PCNX2: variants seen among roughly 807,000 people sequenced by gnomAD.
The protein encoded by PCNX2 is pecanex 2.
A neutral mutation model predicts 223.8 loss-of-function variants in PCNX2; 168 were observed. The observed-to-expected ratio is 0.75, with a 90% CI of 0.66 to 0.85. The LOEUF is 0.85. PCNX2 is among the 40% of genes least tolerant of loss of function. The pLI, the probability that PCNX2 is intolerant of heterozygous loss-of-function variation, is 0.00. For synonymous variants in PCNX2, 1,006 were observed against 1,052.6 expected, an observed-to-expected ratio of 0.96 and a Z score of 0.86; for missense variants, 2,507 against 2,675.5, an observed-to-expected ratio of 0.94 and a Z score of 1.39.
chr1:233,011,927 G>A (rs926266437), intron 28 of PCNX2, among the ~76,000 whole-genome samples: 10 of 152,142 alleles, frequency 6.6e-5, no homozygotes, highest in African/African-American at 1.7e-4. Context: ...AGGGAATTGT[G>A]GGACCCCTCA....
the PCNX2 span, among the ~76,000 whole-genome samples, chr1:233,313,681 A>C: frequency 8.4e-5 from 10 of 118,646 alleles, no homozygotes; most frequent in African/African-American, 2.7e-4. Flanking sequence ...AAGACATATA[A>C]GTTAGTATAC....
Position 233,217,931 on chromosome 1 carries a change from T to C in PCNX2, c.2659A>G (p.Ser887Gly), listed in dbSNP as rs1196353987. The change falls in exon 12 of 34, where the codon AGT (serine) becomes GGT (glycine). Residue 887 changes from serine to glycine, a missense_variant and splice_region_variant. Ser to Gly is a moderately conservative substitution (Grantham distance 56). Transcript: ENST00000258229. ...MASCQYSLLK[S>G]VQPDPASPIH... ...GGTGAGGCGGGGTCAGGCTGAACAC[T>C]CTAAAACACAAATCAGAAGTGTCTG... is the stretch of plus-strand genomic sequence containing the variant. 3.1e-6 allele frequency: 5 copies of C among 1,613,854 alleles called. No individual in the cohort carries two copies. The South Asian group carries it at 5.5e-5, about 18-fold the overall frequency.
the PCNX2 span, among the ~76,000 whole-genome samples, chr1:233,318,973 A>G: frequency 6.6e-6 from 1 of 152,012 alleles, no homozygotes; most frequent in Non-Finnish European, 1.5e-5. Flanking sequence ...CCACCCCAAG[A>G]CTTCAGCACT....
At chr1:233,261,949 G>A in intron 3 of PCNX2, 96 bp downstream of exon 3, 2 of 1,538,336 alleles carry the variant, frequency 1.3e-6, no homozygotes, top group Non-Finnish European at 1.8e-6. Flanking sequence ...ATTACAGCAT[G>A]CAAGCTACAA....
the PCNX2 span, among the ~76,000 whole-genome samples, chr1:233,316,192 TAA>T: frequency 6.6e-6 from 1 of 152,178 alleles, no homozygotes; most frequent in Admixed American, 6.5e-5. Context: ...GTCCACTGAT[TAA>T]AGTTACAAAA....
At chr1:233,250,005 C>T (rs1659357892) in intron 8 of PCNX2, among the ~76,000 whole-genome samples, 1 of 152,164 alleles carries the variant, frequency 6.6e-6, no homozygotes, top group Non-Finnish European at 1.5e-5. Flanking sequence ...ATGTGAAGCA[C>T]AAGACATTCC....
At position 233,177,813 on chromosome 1, in the gene PCNX2, T is replaced by C; in HGVS notation, c.3262A>G (p.Lys1088Glu). ...CGCAAATGTCTCACCACTGAATCTT[T>C]CATCTTCTTGGGGAGAGGGTCAGCA... The part of the protein sequence containing the change: ...SAADPLPKKM[K>E]DSVTDVLKWD... Residue 1088 changes from lysine (K) to glutamate (E), a missense_variant, in exon 17 of 34, where the codon AAA (lysine) becomes GAA (glutamate). Coordinates refer to ENST00000258229, the MANE Select transcript of PCNX2 (RefSeq NM_014801.4). 1 of 1,613,210 alleles carries C rather than the reference T, an allele frequency of 6.2e-7. No individual in the cohort carries two copies. The highest frequency in any genetic ancestry group is 8.5e-7 in the Non-Finnish European group (1 of 1,179,174).
chr1:233,005,294 A>G (rs574402231), intron 28 of PCNX2, among the ~76,000 whole-genome samples: 9 of 152,220 alleles, frequency 5.9e-5, no homozygotes, highest in African/African-American at 1.9e-4. Flanking sequence ...ACACCCAGAC[A>G]CCCAGAGCAA....
chr1:233,091,865 A>C (rs943054352), intron 22 of PCNX2, among the ~76,000 whole-genome samples: 2 of 151,638 alleles, frequency 1.3e-5, no homozygotes, highest in Non-Finnish European at 2.9e-5. Flanking sequence ...CCAATGTTGA[A>C]TTGTTTAGGT....
At chr1:233,121,048 T>G in intron 21 of PCNX2, among the ~76,000 whole-genome samples, 1 of 150,354 alleles carries the variant, frequency 6.7e-6, no homozygotes, top group East Asian at 1.9e-4. Flanking sequence ...AATTGGAGTT[T>G]AAAATTAAAA....
chr1:233,086,500 A>G (rs561689015), intron 23 of PCNX2, among the ~76,000 whole-genome samples: 217 of 151,022 alleles, frequency 1.4e-3, no homozygotes, highest in South Asian at 7.3e-3. Flanking sequence ...TACTAAAAAT[A>G]CAAAAAAAAA....
intron 25 of PCNX2, among the ~76,000 whole-genome samples, chr1:233,032,498 A>G (rs1671304466): frequency 6.6e-6 from 1 of 152,194 alleles, no homozygotes; most frequent in African/African-American, 2.4e-5. Context: ...AGACCTCAAA[A>G]ATGTGAGTTT....
intron 19 of PCNX2, among the ~76,000 whole-genome samples, chr1:233,149,031 T>C (rs7542645): frequency 0.1 from 15,464 of 152,244 alleles, 2,397 homozygotes; most frequent in African/African-American, 0.33. Flanking sequence ...CCCCAGATTG[T>C]GTTAGGGTTC....
intron 19 of PCNX2, among the ~76,000 whole-genome samples, chr1:233,156,413 T>G (rs1490663387): frequency 3.3e-5 from 5 of 152,184 alleles, no homozygotes; most frequent in Admixed American, 3.3e-4. Context: ...GATGGTTACA[T>G]TAAACGCAGT....
In PCNX2 at chr1:233,143,915, T is replaced by C. The variant is rs1677272714; in HGVS notation, c.3518-4060A>G. Among the ~76,000 whole-genome samples, 3 of 152,186 alleles carry C rather than the reference T, an allele frequency of 2.0e-5. No homozygotes were observed. The South Asian group carries it at 6.2e-4, about 32-fold the overall frequency. ...ATTCTCCTGCATTACTTGGATTTTT[T>C]TCTCTTTACCGAATCATTCTCATCA... is the stretch of plus-strand genomic sequence containing the variant. On this transcript the variant is annotated intron_variant, in intron 19 of 33. Transcript: ENST00000258229.
intron 25 of PCNX2, among the ~76,000 whole-genome samples, chr1:233,028,676 G>A (rs910785493): frequency 6.6e-6 from 1 of 152,092 alleles, no homozygotes; most frequent in Admixed American, 6.6e-5. Context: ...ACAGCATGTA[G>A]TTAGGACTTG....
chr1:233,178,443 A>G (rs1679609541), intron 16 of PCNX2, among the ~76,000 whole-genome samples: 1 of 152,258 alleles, frequency 6.6e-6, no homozygotes, highest in South Asian at 2.1e-4. Flanking sequence ...ATCACATGAA[A>G]GATTTCCAGT....
chr1:233,208,402 A>G, intron 13 of PCNX2, 116 bp downstream of exon 13: 1 of 1,136,540 alleles, frequency 8.8e-7, no homozygotes, highest in Non-Finnish European at 1.2e-6. Flanking sequence ...AGCCAAGAGG[A>G]AAGTGCACAT....
intron 1 of PCNX2, among the ~76,000 whole-genome samples, chr1:233,272,915 T>C (rs182341450): frequency 4.6e-5 from 7 of 152,290 alleles, no homozygotes; most frequent in African/African-American, 1.7e-4. Flanking sequence ...AAATACCATA[T>C]GCTCTCACTC....
Sources: allele counts gnomAD v4.1 joint callset (sites outside exome capture counted in the v4.1 genomes callset), GRCh38; gene constraint gnomAD v4.1.1; transcripts MANE v1.5; gene names NCBI Gene and HGNC (gene_info 2026-07-23, HGNC 2026-07-21).